The following SIRPG variants were observed in gnomAD, a reference collection of about 807,000 sequenced individuals.
The protein encoded by SIRPG is signal-regulatory protein gamma.
A neutral mutation model predicts 35.7 loss-of-function variants in SIRPG; 38 were observed. The observed-to-expected ratio is 1.06, with a 90% CI of 0.82 to 1.40. The LOEUF is 1.40. Ranked by LOEUF, SIRPG falls within the 40% of genes most tolerant of loss-of-function variation. The pLI, the probability that SIRPG is intolerant of heterozygous loss-of-function variation, is 0.00. For synonymous variants in SIRPG, 215 were observed against 190.4 expected, an observed-to-expected ratio of 1.13 and a Z score of -1.06; for missense variants, 519 against 483.0, an observed-to-expected ratio of 1.07 and a Z score of -0.70.
the SIRPG span, among the ~76,000 whole-genome samples, chr20:1,681,674 T>C: frequency 3.5e-3 from 490 of 139,872 alleles, 3 homozygotes; most frequent in African/African-American, 0.012. Flanking sequence ...CTACTAAAAA[T>C]AAAAATAAAA....
At chr20:1,638,184 T>C (rs2122463472) in intron 2 of SIRPG, among the ~76,000 whole-genome samples, 1 of 152,272 alleles carries the variant, frequency 6.6e-6, no homozygotes, top group East Asian at 1.9e-4. Context: ...CCTCCCTTTA[T>C]TGCCTTGAGG....
At chr20:1,661,215 T>C (rs1461966254), upstream of SIRPG, among the ~76,000 whole-genome samples, 1 of 152,150 alleles carries the variant, frequency 6.6e-6, no homozygotes, top group Non-Finnish European at 1.5e-5. Context: ...CCTTGGCCAG[T>C]GGCTGGTGGA....
the SIRPG span, chr20:1,670,034 G>T: frequency 3.8e-6 from 1 of 259,770 alleles, no homozygotes; most frequent in South Asian, 5.9e-5. Flanking sequence ...CCTGTGGGCA[G>T]ATATGTTCAC....
At chr20:1,640,501 T>A (rs372445735) in intron 2 of SIRPG, among the ~76,000 whole-genome samples, 1 of 152,074 alleles carries the variant, frequency 6.6e-6, no homozygotes, top group Non-Finnish European at 1.5e-5. Flanking sequence ...GCTTAAGGAG[T>A]TTTTGAGCTG....
Position 1,648,991 on chromosome 20 carries a change from G to GGTGTTACTA in SIRPG, c.430+52_430+60dup, listed in dbSNP as rs1245253539. The GGTGTTACTA allele has an allele frequency of 8.0e-6, 11 of 1,369,762 alleles. No individual in the cohort carries two copies. In the Admixed American group the frequency reaches 1.4e-4, roughly 18 times the overall value. 84.9% of individuals were successfully genotyped at this position (1,369,762 alleles called of 1,614,324 possible). On this transcript the variant is annotated intron_variant, in intron 2 of 5. Coordinates refer to ENST00000303415, the MANE Select transcript of SIRPG (RefSeq NM_018556.4). ...CCTGATTGTTGCTCAAAGAATGGAA[G>GGTGTTACTA]GTGTTACTATTGAGTTATTGTCACA...
chr20:1,674,181 A>T, the SIRPG span, among the ~76,000 whole-genome samples: 1 of 150,402 alleles, frequency 6.6e-6, no homozygotes, highest in South Asian at 2.1e-4. Flanking sequence ...TTAAACTGGC[A>T]TTTTTTTTTA....
At chr20:1,656,233 T>C (rs566742372) in intron 1 of SIRPG, among the ~76,000 whole-genome samples, 1 of 152,342 alleles carries the variant, frequency 6.6e-6, no homozygotes, top group Non-Finnish European at 1.5e-5. Context: ...TGATAAACTC[T>C]GGAACTGGTC....
chr20:1,655,310 A>G (rs1052811938), intron 1 of SIRPG, among the ~76,000 whole-genome samples: 1 of 152,246 alleles, frequency 6.6e-6, no homozygotes, highest in African/African-American at 2.4e-5. Context: ...GAGAAAGAAA[A>G]TGTAGCATAT....
At chr20:1,647,924 A>T (rs146483081) in intron 2 of SIRPG, 58 of 152,330 alleles carry the variant, frequency 3.8e-4, no homozygotes, top group African/African-American at 1.2e-3. Context: ...GTGATGCACC[A>T]GGTTCTTCTA....
chr20:1,677,490 C>T, the SIRPG span, among the ~76,000 whole-genome samples: 27 of 152,148 alleles, frequency 1.8e-4, no homozygotes, highest in Admixed American at 1.7e-3. Context: ...AGCCTGGATT[C>T]CTGAGTGACA....
chr20:1,673,313 C>T, the SIRPG span, among the ~76,000 whole-genome samples: 4 of 152,128 alleles, frequency 2.6e-5, no homozygotes, highest in Non-Finnish European at 4.4e-5. Flanking sequence ...TTTTAACCCC[C>T]CTCCATCCCT....
In SIRPG at chr20:1,636,420, G is replaced by C. The variant is rs1446351474; in HGVS notation, c.516C>G (p.Gly172=). The C allele has an allele frequency of 3.1e-6, 5 of 1,614,226 alleles. No homozygotes were observed. The highest frequency in any genetic ancestry group is 3.4e-6 in the Non-Finnish European group (4 of 1,180,040). The part of the protein sequence containing the change: ...HTVSFTCESH[G]FSPRDITLKW... ...TCAGGGTGATGTCTCTGGGAGAGAA[G>C]CCATGGGACTCACAGGTGAAACTCA... The change falls in exon 3 of 6, where the codon GGC becomes GGG. Residue 172 remains glycine (G), a synonymous_variant. Coordinates refer to ENST00000303415, the MANE Select transcript of SIRPG (RefSeq NM_018556.4).
At chr20:1,644,737 A>G (rs193197420) in intron 2 of SIRPG, among the ~76,000 whole-genome samples, 131 of 152,304 alleles carry the variant, frequency 8.6e-4, no homozygotes, top group African/African-American at 3.0e-3. Context: ...AGTTCTGTGG[A>G]AAAGCACTGT....
At chr20:1,650,607 G>A (rs1412640747) in intron 1 of SIRPG, among the ~76,000 whole-genome samples, 1 of 152,098 alleles carries the variant, frequency 6.6e-6, no homozygotes, top group Non-Finnish European at 1.5e-5. Context: ...GGAATTCTGG[G>A]ACACTATCAA....
intron 4 of SIRPG, among the ~76,000 whole-genome samples, chr20:1,632,180 C>T (rs1226204930): frequency 2.0e-5 from 3 of 152,128 alleles, no homozygotes; most frequent in Non-Finnish European, 4.4e-5. Context: ...TTAAGAGTTG[C>T]TGGGTACAAT....
chr20:1,650,294 G>A (rs139221498), intron 1 of SIRPG, among the ~76,000 whole-genome samples: 63 of 151,782 alleles, frequency 4.2e-4, no homozygotes, highest in Middle Eastern at 3.4e-3. Context: ...ACTAGACCCA[G>A]TATTAAAACC....
chr20:1,661,326 G>A (rs1392955955), upstream of SIRPG, among the ~76,000 whole-genome samples: 1 of 152,142 alleles, frequency 6.6e-6, no homozygotes, highest in Non-Finnish European at 1.5e-5. Context: ...ACGTCTGGGG[G>A]AATCAATATG....
rs2122448443 is a variant in SIRPG, at chr20:1,636,398, G to A, written c.538C>T (p.Leu180=). Residue 180 remains leucine (L), a synonymous_variant, in exon 3 of 6, where the codon CTG becomes TTG. Coordinates refer to ENST00000303415, the MANE Select transcript of SIRPG (RefSeq NM_018556.4). ...SHGFSPRDIT[L]KWFKNGNELS... ...TCATTCCCATTTTTGAACCATTTCAGGGTGATGTCTCTGGGAGAGAAGCCA... is the reference window on the plus strand; with the variant it reads ...TCATTCCCATTTTTGAACCATTTCAAGGTGATGTCTCTGGGAGAGAAGCCA... 2.5e-6 allele frequency: 4 copies of A among 1,614,232 alleles called. No homozygotes were observed. Among genetic ancestry groups the A allele is most frequent in the Middle Eastern group, 1.6e-4 (1 of 6,062 alleles).
the SIRPG span, among the ~76,000 whole-genome samples, chr20:1,669,269 C>T: frequency 6.6e-6 from 1 of 152,248 alleles, no homozygotes; most frequent in East Asian, 1.9e-4. Context: ...AACATCCCAA[C>T]ATCTCTCATT....
Sources: allele counts gnomAD v4.1 joint callset (sites outside exome capture counted in the v4.1 genomes callset), GRCh38; gene constraint gnomAD v4.1.1; transcripts MANE v1.5; gene names NCBI Gene and HGNC (gene_info 2026-07-23, HGNC 2026-07-21).